The following PPARGC1A variants were observed in gnomAD, a reference collection of about 807,000 sequenced individuals.
PPARGC1A encodes peroxisome proliferator-activated receptor gamma coactivator 1-alpha.
In PPARGC1A, 25 loss-of-function variants were observed where a neutral mutation model predicts 88.7. The ratio of observed to expected loss-of-function variants is 0.28; its 90% confidence interval spans 0.21 to 0.39. The LOEUF is 0.39. PPARGC1A is among the 10% of genes least tolerant of loss of function. PPARGC1A has a pLI of 1.00. For synonymous variants in PPARGC1A, 363 were observed against 355.6 expected (o/e 1.02, Z -0.24); for missense variants, 880 against 968.7 (o/e 0.91, Z 1.22).
At chr4:23,847,174 T>C (rs1236116403) in intron 2 of PPARGC1A, among the ~76,000 whole-genome samples, 1 of 152,292 alleles carries the variant, frequency 6.6e-6, no homozygotes, top group East Asian at 1.9e-4. Flanking sequence ...AAAGATTAAA[T>C]AATAAAAACT....
chr4:24,266,447 A>G, the PPARGC1A span, among the ~76,000 whole-genome samples: 1 of 152,176 alleles, frequency 6.6e-6, no homozygotes, highest in East Asian at 1.9e-4. Context: ...GTCAGTCAGT[A>G]GGTGCCTCCA....
chr4:24,240,547 C>T, the PPARGC1A span, among the ~76,000 whole-genome samples: 1 of 152,142 alleles, frequency 6.6e-6, no homozygotes, highest in Non-Finnish European at 1.5e-5. Context: ...ACCAAAAATT[C>T]ACGCTGTTAA....
chr4:23,966,427 G>A, the PPARGC1A span, among the ~76,000 whole-genome samples: 1 of 152,186 alleles, frequency 6.6e-6, no homozygotes, highest in African/African-American at 2.4e-5. Flanking sequence ...CAATTTAAAT[G>A]TAAATAACCA....
chr4:23,831,499 T>C (rs1724992236), intron 3 of PPARGC1A, 58 bp downstream of exon 3: 5 of 1,450,558 alleles, frequency 3.4e-6, no homozygotes, highest in Non-Finnish European at 4.8e-6. Context: ...ATCATACCCA[T>C]GCAGCGGGTA....
the PPARGC1A span, among the ~76,000 whole-genome samples, chr4:24,075,723 C>T: frequency 6.6e-6 from 1 of 152,128 alleles, no homozygotes. Flanking sequence ...TCCTTGACTG[C>T]CACCATGTAA....
the PPARGC1A span, among the ~76,000 whole-genome samples, chr4:24,038,153 T>A: frequency 6.6e-6 from 1 of 152,202 alleles, no homozygotes; most frequent in African/African-American, 2.4e-5. Context: ...TATAAGTGGA[T>A]GACCAGGAGA....
chr4:23,986,599 T>C, the PPARGC1A span, among the ~76,000 whole-genome samples: 704 of 152,252 alleles, frequency 4.6e-3, 7 homozygotes, highest in African/African-American at 0.016. Context: ...GCATTTTATA[T>C]ACATGATCTC....
At chr4:24,043,156 T>A in the PPARGC1A span, among the ~76,000 whole-genome samples, 1 of 152,162 alleles carries the variant, frequency 6.6e-6, no homozygotes. Flanking sequence ...GACTTTTGTT[T>A]AATCTTGAAA....
At chr4:24,128,577 T>TGTGC in the PPARGC1A span, among the ~76,000 whole-genome samples, 1 of 130,962 alleles carries the variant, frequency 7.6e-6, no homozygotes, top group African/African-American at 2.8e-5. Context: ...TGTGTGTGTG[T>TGTGC]GTGCACGCGC....
At chr4:24,380,304 A>G in the PPARGC1A span, among the ~76,000 whole-genome samples, 1 of 152,194 alleles carries the variant, frequency 6.6e-6, no homozygotes, top group African/African-American at 2.4e-5. Flanking sequence ...AGAGCAGTCT[A>G]GACAGAGGGA....
Position 23,828,508 on chromosome 4 carries a change from T to A in PPARGC1A, c.649A>T (p.Asn217Tyr). The A allele has an allele frequency of 6.2e-7, 1 of 1,614,090 alleles. No individual in the cohort carries two copies. Among genetic ancestry groups the A allele is most frequent in the Non-Finnish European group, 8.5e-7 (1 of 1,179,960 alleles). ...GGTTTGGTGTGAGGAGGGTCATCGTTTGTGGTCAGATATTTGAGAAGCTCC... is the reference window on the plus strand; with the variant it reads ...GGTTTGGTGTGAGGAGGGTCATCGTATGTGGTCAGATATTTGAGAAGCTCC... ...CSELLKYLTT[N>Y]DDPPHTKPTE... Residue 217 changes from asparagine (N) to tyrosine (Y), a missense_variant, in exon 5 of 13, where the codon AAC becomes TAC. Transcript: ENST00000264867.
At chr4:24,032,894 G>A in the PPARGC1A span, among the ~76,000 whole-genome samples, 15 of 152,218 alleles carry the variant, frequency 9.9e-5, no homozygotes, top group South Asian at 6.2e-4. Context: ...GCTCTAAGTC[G>A]CACACACCCT....
At chr4:24,195,240 T>C in the PPARGC1A span, among the ~76,000 whole-genome samples, 1 of 152,154 alleles carries the variant, frequency 6.6e-6, no homozygotes. Flanking sequence ...TTCTTACCTG[T>C]AAAATTGAAA....
the PPARGC1A span, among the ~76,000 whole-genome samples, chr4:24,336,872 G>A: frequency 6.6e-6 from 1 of 151,816 alleles, no homozygotes; most frequent in Non-Finnish European, 1.5e-5. Flanking sequence ...AGGCCATCCT[G>A]GGCAACATAG....
At chr4:23,813,313 T>C (rs1270180288) in intron 8 of PPARGC1A, among the ~76,000 whole-genome samples, 188 bp from the exon 9 acceptor site, 3 of 152,134 alleles carry the variant, frequency 2.0e-5, no homozygotes, top group Non-Finnish European at 4.4e-5. Context: ...AGTGATGTGC[T>C]CTCTCTCAGC....
intron 2 of PPARGC1A, among the ~76,000 whole-genome samples, chr4:23,856,375 A>G (rs1042208489): frequency 1.3e-5 from 2 of 152,222 alleles, no homozygotes; most frequent in Non-Finnish European, 1.5e-5. Context: ...GGTTTGTTTT[A>G]ACATACAAAA....
At chr4:24,337,987 T>C in the PPARGC1A span, among the ~76,000 whole-genome samples, 1 of 152,158 alleles carries the variant, frequency 6.6e-6, no homozygotes, top group Non-Finnish European at 1.5e-5. Context: ...TTCTGCTCCT[T>C]GTCATCCGGT....
chr4:24,024,027 G>A, the PPARGC1A span, among the ~76,000 whole-genome samples: 1 of 152,198 alleles, frequency 6.6e-6, no homozygotes, highest in Non-Finnish European at 1.5e-5. Context: ...TGATTCGCTA[G>A]TTTTTGCCTT....
the PPARGC1A span, among the ~76,000 whole-genome samples, chr4:24,213,472 T>A: frequency 1.3e-5 from 2 of 152,184 alleles, no homozygotes; most frequent in African/African-American, 4.8e-5. Flanking sequence ...GGCCGATTCT[T>A]TTCCTTTAAC....
Sources: allele counts gnomAD v4.1 joint callset (sites outside exome capture counted in the v4.1 genomes callset), GRCh38; gene constraint gnomAD v4.1.1; transcripts MANE v1.5; gene names NCBI Gene and HGNC (gene_info 2026-07-23, HGNC 2026-07-21).